Variants in SLC26A5 observed in about 807,000 individuals in gnomAD.
The protein encoded by SLC26A5 is prestin.
In SLC26A5, 51 loss-of-function variants were observed where a neutral mutation model predicts 81.0. That is an observed-to-expected ratio of 0.63 (90% CI 0.50 to 0.80). The LOEUF (loss-of-function observed/expected upper bound fraction) is 0.80, where lower values mean the gene tolerates loss of function less well. SLC26A5 is among the 30% of genes least tolerant of loss of function. The pLI, the probability that SLC26A5 is intolerant of heterozygous loss-of-function variation, is 0.00. For missense variants in SLC26A5, 771 were observed against 905.8 expected, an observed-to-expected ratio of 0.85 and a Z score of 1.91; for synonymous variants, 325 against 332.8, an observed-to-expected ratio of 0.98 and a Z score of 0.25.
At chr7:103,374,705 CTT>C (rs1021508704) in intron 19 of SLC26A5, 113 bp from the exon 20 acceptor site, 919 of 806,188 alleles carry the variant, frequency 1.1e-3, no homozygotes, top group East Asian at 1.5e-3. Flanking sequence ...TTTTTTGTTT[CTT>C]TTTTTTTTTT....
At chr7:103,438,071 T>C (rs962953397) in intron 2 of SLC26A5, among the ~76,000 whole-genome samples, 2 of 152,238 alleles carry the variant, frequency 1.3e-5, no homozygotes, top group African/African-American at 2.4e-5. Context: ...TCTATATCCA[T>C]AGGAGAGTGG....
chr7:103,423,244 C>G (rs1825490404), intron 2 of SLC26A5, among the ~76,000 whole-genome samples: 1 of 152,072 alleles, frequency 6.6e-6, no homozygotes, highest in African/African-American at 2.4e-5. Context: ...TGTACTCCAG[C>G]CTGGGCGACA....
intron 19 of SLC26A5, 66 bp from the exon 20 acceptor site, chr7:103,374,658 G>C: frequency 1.4e-6 from 2 of 1,391,916 alleles, no homozygotes; most frequent in Non-Finnish European, 2.0e-6. Flanking sequence ...TTAAAAAAAA[G>C]TAACACTTCC....
chr7:103,395,507 A>G lies in SLC26A5; in HGVS notation c.971+2425T>C, dbSNP rs201557539. ...TATACGCATATATATGTATGTATAT[A>G]TATATATATATATAAATTTTTTTTT... On this transcript the variant is annotated intron_variant, in intron 9 of 19. Transcript: ENST00000306312. Among the ~76,000 whole-genome samples, 63 of 94,198 alleles carry G rather than the reference A, an allele frequency of 6.7e-4. 2 individuals carry two copies. Among genetic ancestry groups the G allele is most frequent in the Admixed American group, 9.5e-4 (7 of 7,354 alleles). The allele number at this position is 94,198 out of a possible 152,430, so 61.8% of individuals were successfully genotyped here.
chr7:103,374,404 C>T lies in SLC26A5; in HGVS notation c.2230G>A (p.Ala744Thr). Residue 744 changes from alanine (A) to threonine (T), a missense_variant, in exon 20 of 20, where the codon GCA becomes ACA. Transcript: ENST00000306312. ...TCCTAGGGTGAGGTCCTCATCTATG[C>T]CTCAGGAGTGGCAGGAGTGGCATTG... Reference protein sequence around the residue: ...EPNATPATPEA With the variant: ...EPNATPATPET The T allele has an allele frequency of 6.2e-7, 1 of 1,612,256 alleles. No homozygotes were observed. The highest frequency in any genetic ancestry group is 1.7e-5 in the Admixed American group (1 of 59,994).
At chr7:103,438,518 A>G (rs2116853860) in intron 2 of SLC26A5, among the ~76,000 whole-genome samples, 1 of 152,024 alleles carries the variant, frequency 6.6e-6, no homozygotes, top group East Asian at 1.9e-4. Flanking sequence ...ACACCCAGCT[A>G]ATTTTCATAA....
chr7:103,421,247 G>A, intron 3 of SLC26A5, 116 bp downstream of exon 3: 3 of 1,158,396 alleles, frequency 2.6e-6, no homozygotes, highest in Non-Finnish European at 3.8e-6. Context: ...AAACCATGAT[G>A]GCTCAGCATT....
At position 103,367,268 on chromosome 7, in the gene SLC26A5, C is replaced by T; in HGVS notation, c.2041+9540G>A. On this transcript the variant is annotated intron_variant, in intron 19 of 19. Transcript: ENST00000339444. This position sits in a 1 kb window ranked among gnomAD's most constrained non-coding sequence, Gnocchi z 6.1. ...TCTAATTAGTTTTATATAAAGCAAG[C>T]TGTTCTTACAGGATTTGCTTCAAAG... The T allele has an allele frequency of 3.1e-6, 2 of 643,454 alleles. No homozygotes were observed. The allele number at this position is 643,454 out of a possible 1,614,324, so 39.9% of individuals were successfully genotyped here.
chr7:103,429,313 T>C (rs1207021721), intron 2 of SLC26A5, among the ~76,000 whole-genome samples: 2 of 152,258 alleles, frequency 1.3e-5, no homozygotes, highest in Non-Finnish European at 2.9e-5. Flanking sequence ...ATAATGCATA[T>C]ATTAACCTTT....
chr7:103,411,638 T>C (rs375481879), intron 5 of SLC26A5, 52 bp from the exon 6 acceptor site: 180 of 1,603,948 alleles, frequency 1.1e-4, no homozygotes, highest in Non-Finnish European at 1.4e-4. Context: ...GTATCTGATA[T>C]GGTTTTTGCC....
At chr7:103,399,430 G>T (rs1330156569) in intron 8 of SLC26A5, among the ~76,000 whole-genome samples, 3 of 152,196 alleles carry the variant, frequency 2.0e-5, no homozygotes, top group Admixed American at 6.5e-5. Context: ...CCTGTTAAAA[G>T]GTTCTAATGC....
intron 8 of SLC26A5, among the ~76,000 whole-genome samples, chr7:103,404,730 C>T (rs1823889022): frequency 6.6e-6 from 1 of 152,122 alleles, no homozygotes; most frequent in African/African-American, 2.4e-5. Flanking sequence ...GTTGGCCTGT[C>T]TTGCTAGGTT....
At chr7:103,384,952 T>C (rs1822069188) in intron 14 of SLC26A5, among the ~76,000 whole-genome samples, 1 of 152,182 alleles carries the variant, frequency 6.6e-6, no homozygotes, top group Non-Finnish European at 1.5e-5. Context: ...TCTTATATAC[T>C]GCACTGTCCC....
At position 103,389,005 on chromosome 7, in the gene SLC26A5, C is replaced by T. The variant is rs1822428628; in HGVS notation, c.1514+3G>A. 6.2e-7 allele frequency: 1 copy of T among 1,604,352 alleles called. No individual in the cohort carries two copies. Among genetic ancestry groups the T allele is most frequent in the Admixed American group, 1.7e-5 (1 of 59,958 alleles). ...TCACACCCATTCCAATCTGGGCACT[C>T]ACCTCTGTGTTCTGTAAATCACAGT... is the stretch of plus-strand genomic sequence containing the variant. On this transcript the variant is annotated splice_donor_region_variant and intron_variant, in intron 14 of 19. Transcript: ENST00000306312.
chr7:103,414,190 CTT>C (rs199802339), intron 4 of SLC26A5, among the ~76,000 whole-genome samples: 24 of 126,998 alleles, frequency 1.9e-4, no homozygotes, highest in Non-Finnish European at 1.6e-4. Flanking sequence ...TTGCCCCCCC[CTT>C]TTTTTTTTTT....
chr7:103,359,563 TATC>T (rs2116201189), intron 19 of SLC26A5, among the ~76,000 whole-genome samples: 1 of 152,314 alleles, frequency 6.6e-6, no homozygotes, highest in Admixed American at 6.5e-5. Flanking sequence ...ATCCTGGACA[TATC>T]ATCTAAATGG....
At chr7:103,401,545 C>G (rs1283526394) in intron 8 of SLC26A5, among the ~76,000 whole-genome samples, 2 of 152,086 alleles carry the variant, frequency 1.3e-5, no homozygotes, top group East Asian at 1.9e-4. Flanking sequence ...ATTTGAATAC[C>G]CTTTATTTCT....
intron 14 of SLC26A5, among the ~76,000 whole-genome samples, chr7:103,386,787 G>A (rs1327610042): frequency 6.6e-6 from 1 of 150,586 alleles, no homozygotes; most frequent in Middle Eastern, 3.4e-3. Flanking sequence ...TTTTTGAGAC[G>A]TGTGTCACTC....
At chr7:103,444,316 C>T (rs145941669) in intron 1 of SLC26A5, among the ~76,000 whole-genome samples, 52 of 152,246 alleles carry the variant, frequency 3.4e-4, no homozygotes, top group African/African-American at 1.2e-3. Context: ...CCTGGGAATA[C>T]GGACGTGCTT....
Sources: allele counts gnomAD v4.1 joint callset (sites outside exome capture counted in the v4.1 genomes callset), GRCh38; gene constraint gnomAD v4.1.1; non-coding constraint Gnocchi (gnomAD v3.1); transcripts MANE v1.5; gene names NCBI Gene and HGNC (gene_info 2026-07-23, HGNC 2026-07-21).